ERC2: variants seen among roughly 807,000 people sequenced by gnomAD.
ERC2 encodes the protein ERC protein 2.
In ERC2, 42 loss-of-function variants were observed where a neutral mutation model predicts 114.8. That is an observed-to-expected ratio of 0.37 (90% CI 0.29 to 0.47). The LOEUF (loss-of-function observed/expected upper bound fraction) is 0.47, where lower values mean the gene tolerates loss of function less well. Ranked by LOEUF, ERC2 falls within the 20% of genes least tolerant of loss-of-function variation. The pLI is 0.99. For synonymous variants in ERC2, 454 were observed against 425.5 expected (o/e 1.07, Z -0.82); for missense variants, 939 against 1,150.7 (o/e 0.82, Z 2.66).
intron 13 of ERC2, 105 bp downstream of exon 13, chr3:55,950,320 G>T: frequency 8.4e-6 from 12 of 1,422,592 alleles, no homozygotes; most frequent in Non-Finnish European, 1.0e-5. Context: ...CAGGGCAAAG[G>T]CAAAGTCCAC....
chr3:55,926,155 T>C (rs2065734696), intron 13 of ERC2, among the ~76,000 whole-genome samples: 1 of 152,148 alleles, frequency 6.6e-6, no homozygotes. Context: ...TAAATAGATG[T>C]CAAATGATTA....
At chr3:55,952,198 C>CTCTCTCTA (rs1339982987) in intron 12 of ERC2, among the ~76,000 whole-genome samples, 4 of 108,640 alleles carry the variant, frequency 3.7e-5, no homozygotes, top group African/African-American at 1.5e-4. Context: ...CTCTCTCTCT[C>CTCTCTCTA]TATATATATA....
intron 17 of ERC2, among the ~76,000 whole-genome samples, chr3:55,533,973 C>T (rs756949293): frequency 1.1e-4 from 17 of 152,158 alleles, no homozygotes; most frequent in Non-Finnish European, 2.1e-4. Flanking sequence ...TACAATTGGA[C>T]AGGTCAGGAT....
At chr3:55,731,595 A>C (rs1054062286) in intron 15 of ERC2, among the ~76,000 whole-genome samples, 1 of 152,204 alleles carries the variant, frequency 6.6e-6, no homozygotes, top group East Asian at 1.9e-4. Flanking sequence ...GATTCACCTT[A>C]AACAGCTTAA....
chr3:55,550,742 C>T (rs375361182), intron 17 of ERC2, among the ~76,000 whole-genome samples: 71 of 152,222 alleles, frequency 4.7e-4, no homozygotes, highest in African/African-American at 1.3e-3. Flanking sequence ...AGGGGCCGGG[C>T]GCAGTGGCTC....
At chr3:55,653,624 A>G (rs1039083065) in intron 17 of ERC2, among the ~76,000 whole-genome samples, 2 of 149,252 alleles carry the variant, frequency 1.3e-5, no homozygotes, top group Admixed American at 1.3e-4. Flanking sequence ...TAAGCCTGGA[A>G]GAATCTCTGG....
In ERC2 at chr3:56,226,127, A is replaced by G. The variant is rs542616370; in HGVS notation, c.1075-52607T>C. Among the ~76,000 whole-genome samples the G allele has an allele frequency of 3.3e-5, 5 of 152,352 alleles. No individual in the cohort carries two copies. The South Asian group carries it at 6.2e-4, about 19-fold the overall frequency. On this transcript the variant is annotated intron_variant, in intron 3 of 17. Coordinates refer to ENST00000288221, the MANE Select transcript of ERC2 (RefSeq NM_015576.3). ...GCAAATGAAATCTGTTATTTGCTCCAAGATACAAATTACCTACCTACAAAA... is the reference window on the plus strand; with the variant it reads ...GCAAATGAAATCTGTTATTTGCTCCGAGATACAAATTACCTACCTACAAAA...
At chr3:55,937,383 C>T (rs552053688) in intron 13 of ERC2, among the ~76,000 whole-genome samples, 13 of 152,084 alleles carry the variant, frequency 8.5e-5, no homozygotes, top group East Asian at 1.9e-4. Context: ...AATTACAGCC[C>T]GGCCTGGTAA....
chr3:55,719,760 A>G (rs1276635686), intron 15 of ERC2, among the ~76,000 whole-genome samples: 1 of 152,104 alleles, frequency 6.6e-6, no homozygotes, highest in African/African-American at 2.4e-5. Flanking sequence ...GCATCAGTAG[A>G]AAGCTCAGGA....
intron 13 of ERC2, among the ~76,000 whole-genome samples, chr3:55,920,446 A>ACACACACACACACAC (rs57638674): frequency 1.4e-5 from 2 of 145,446 alleles, no homozygotes; most frequent in African/African-American, 5.3e-5. Flanking sequence ...ACACACACAC[A>ACACACACACACACAC]CCCCAAGTGA....
intron 3 of ERC2, among the ~76,000 whole-genome samples, chr3:56,200,739 T>G (rs982860): frequency 0.92 from 140,112 of 152,260 alleles, 64,853 homozygotes; most frequent in East Asian, 1. Flanking sequence ...GCCGTCTGTG[T>G]TTGTTGGAAC....
intron 3 of ERC2, among the ~76,000 whole-genome samples, chr3:56,232,605 CA>C (rs1232300537): frequency 2.6e-5 from 4 of 152,182 alleles, no homozygotes; most frequent in African/African-American, 4.8e-5. Context: ...AGGACACATA[CA>C]GAGATAAAAT....
intron 17 of ERC2, among the ~76,000 whole-genome samples, chr3:55,583,614 G>C (rs1484160077): frequency 6.8e-6 from 1 of 146,538 alleles, no homozygotes; most frequent in African/African-American, 2.6e-5. Context: ...AGGATGCACT[G>C]GACGGTATCA....
chr3:56,395,753 C>A (rs2060283423), intron 2 of ERC2, among the ~76,000 whole-genome samples: 1 of 152,144 alleles, frequency 6.6e-6, no homozygotes, highest in Admixed American at 6.5e-5. Flanking sequence ...TATAAATTAC[C>A]CAGTCTCAGG....
At chr3:56,194,500 A>C (rs1257733752) in intron 3 of ERC2, among the ~76,000 whole-genome samples, 1 of 152,072 alleles carries the variant, frequency 6.6e-6, no homozygotes, top group Non-Finnish European at 1.5e-5. Flanking sequence ...AAAATGGTCT[A>C]CCTATACAGG....
At chr3:55,741,300 T>G (rs2065950431) in intron 14 of ERC2, among the ~76,000 whole-genome samples, 1 of 152,100 alleles carries the variant, frequency 6.6e-6, no homozygotes, top group Non-Finnish European at 1.5e-5. Flanking sequence ...ATCCTTGCTT[T>G]TTTTTTTCTC....
At chr3:56,416,269 G>A (rs926233134) in intron 2 of ERC2, among the ~76,000 whole-genome samples, 3 of 151,978 alleles carry the variant, frequency 2.0e-5, no homozygotes, top group African/African-American at 7.3e-5. Flanking sequence ...ACCTCCTCCT[G>A]AGGTTTGAAG....
chr3:55,999,270 G>T (rs2071844680), intron 10 of ERC2, among the ~76,000 whole-genome samples: 1 of 152,068 alleles, frequency 6.6e-6, no homozygotes, highest in South Asian at 2.1e-4. Flanking sequence ...GCTGCAGAAA[G>T]GTTATAAGAA....
intron 4 of ERC2, among the ~76,000 whole-genome samples, chr3:56,167,347 G>A (rs1245644490): frequency 6.6e-6 from 1 of 152,056 alleles, no homozygotes; most frequent in Non-Finnish European, 1.5e-5. Context: ...TGCAACTTCA[G>A]GAGTTAGATT....
Sources: allele counts gnomAD v4.1 joint callset (sites outside exome capture counted in the v4.1 genomes callset), GRCh38; gene constraint gnomAD v4.1.1; transcripts MANE v1.5; gene names NCBI Gene and HGNC (gene_info 2026-07-23, HGNC 2026-07-21).